Variants in SUPT3H observed in about 807,000 individuals in gnomAD.
The protein encoded by SUPT3H is SPT3 homolog, SAGA and STAGA complex component, also known as transcription initiation protein SPT3 homolog.
SUPT3H carries 44 observed loss-of-function variants against 44.3 expected under a neutral mutation model. The observed-to-expected ratio is 0.99, with a 90% CI of 0.78 to 1.28. SUPT3H has a LOEUF of 1.28. SUPT3H is among the 50% of genes most tolerant of loss of function. The pLI is 0.00. For synonymous variants in SUPT3H, 124 were observed against 125.6 expected, an observed-to-expected ratio of 0.99 and a Z score of 0.09; for missense variants, 380 against 387.1, an observed-to-expected ratio of 0.98 and a Z score of 0.15.
chr6:45,120,279 T>C (rs1197256316), intron 2 of SUPT3H, among the ~76,000 whole-genome samples: 2 of 151,270 alleles, frequency 1.3e-5, no homozygotes, highest in Admixed American at 1.3e-4. Context: ...ATAAAGAAAA[T>C]TTTAAAAGTG....
intron 2 of SUPT3H, among the ~76,000 whole-genome samples, chr6:45,264,301 T>C (rs968151424): frequency 3.2e-4 from 49 of 152,156 alleles, no homozygotes; most frequent in African/African-American, 5.6e-4. Flanking sequence ...TTAATTGTTG[T>C]GGTGTAAAAA....
At chr6:45,128,068 G>T (rs899052571) in intron 2 of SUPT3H, among the ~76,000 whole-genome samples, 1 of 151,866 alleles carries the variant, frequency 6.6e-6, no homozygotes, top group Non-Finnish European at 1.5e-5. Flanking sequence ...TTATTCTGAC[G>T]CTTACTTTGT....
chr6:45,292,743 A>G (rs199854245), intron 2 of SUPT3H, among the ~76,000 whole-genome samples: 2 of 62,202 alleles, frequency 3.2e-5, no homozygotes, highest in East Asian at 1.5e-3. Flanking sequence ...ACAAGGAGGG[A>G]CATTATATAA....
chr6:45,370,248 T>C (rs1795833116), intron 1 of SUPT3H, among the ~76,000 whole-genome samples: 1 of 152,168 alleles, frequency 6.6e-6, no homozygotes, highest in African/African-American at 2.4e-5. Context: ...ATTTCTGGAA[T>C]ACATTTTGAA....
chr6:45,280,514 C>A (rs1284204069), intron 2 of SUPT3H, among the ~76,000 whole-genome samples: 1 of 151,780 alleles, frequency 6.6e-6, no homozygotes, highest in Admixed American at 6.6e-5. Context: ...ACAAAAAAAA[C>A]CTCTTAGGTA....
At chr6:44,952,237 T>G (rs772494082) in intron 9 of SUPT3H, among the ~76,000 whole-genome samples, 10 of 152,174 alleles carry the variant, frequency 6.6e-5, no homozygotes, top group Non-Finnish European at 1.3e-4. Context: ...CTAGGGTCCA[T>G]AGGGTTCACA....
intron 2 of SUPT3H, among the ~76,000 whole-genome samples, chr6:45,315,922 C>CAGACAGATAGATAGATAGATAGAT (rs1554339652): frequency 4.1e-5 from 6 of 145,474 alleles, no homozygotes; most frequent in African/African-American, 1.3e-4. Flanking sequence ...CTCAGATAGA[C>CAGACAGATAGATAGATAGATAGAT]AGATAGATAG....
chr6:45,077,626 C>CAAAAAAAAAAAAAAAAAAAAAAA (rs70993493), intron 3 of SUPT3H, among the ~76,000 whole-genome samples: 16 of 34,004 alleles, frequency 4.7e-4, no homozygotes, highest in Non-Finnish European at 6.6e-4. Context: ...GACCTTGTTT[C>CAAAAAAAAAAAAAAAAAAAAAAA]AAAAAAAAAA....
At chr6:45,108,158 C>A (rs1308978677) in intron 2 of SUPT3H, among the ~76,000 whole-genome samples, 1 of 152,136 alleles carries the variant, frequency 6.6e-6, no homozygotes, top group African/African-American at 2.4e-5. Flanking sequence ...ACTGTAAATT[C>A]CAGGCAAAGC....
chr6:45,098,470 C>A, intron 3 of SUPT3H: 1 of 227,486 alleles, frequency 4.4e-6, no homozygotes, highest in East Asian at 1.1e-4. Flanking sequence ...CTACTCAGTC[C>A]AGCTTGGACC....
intron 2 of SUPT3H, among the ~76,000 whole-genome samples, chr6:45,196,569 T>A (rs955611987): frequency 6.6e-6 from 1 of 152,018 alleles, no homozygotes; most frequent in African/African-American, 2.4e-5. Flanking sequence ...AATAGAGCAA[T>A]AGTACCTTTG....
chr6:44,852,576 C>G (rs948704455), intron 10 of SUPT3H, among the ~76,000 whole-genome samples: 1 of 152,070 alleles, frequency 6.6e-6, no homozygotes. Context: ...TCCCAACCTC[C>G]CACAAGAGAA....
chr6:45,334,449 C>CAAA (rs551014969), intron 2 of SUPT3H, among the ~76,000 whole-genome samples: 7 of 91,752 alleles, frequency 7.6e-5, no homozygotes, highest in Non-Finnish European at 1.3e-4. Context: ...TCAGGAAAAG[C>CAAA]AAAAAAAAAA....
In SUPT3H at chr6:45,129,359, C is replaced by T. The variant is rs149696757; in HGVS notation, c.102-23353G>A. On this transcript the variant is annotated intron_variant, in intron 2 of 10. Transcript: ENST00000371459. ...TCATTTGGCAGTCTGGACAATGGTG[C>T]CCATTAATGAAAAAGGCTTAGTATA... 2.7e-4 allele frequency among the ~76,000 whole-genome samples: 41 copies of T among 152,272 alleles called. 2 individuals carry two copies. In the East Asian group the frequency reaches 7.9e-3, roughly 29 times the overall value.
chr6:45,298,704 G>T (rs1376065066), intron 2 of SUPT3H, among the ~76,000 whole-genome samples: 1 of 151,964 alleles, frequency 6.6e-6, no homozygotes, highest in African/African-American at 2.4e-5. Context: ...ACTAAAATTG[G>T]CCAATGTAAT....
intron 6 of SUPT3H, among the ~76,000 whole-genome samples, chr6:44,989,387 T>C (rs896782525): frequency 6.6e-6 from 1 of 152,170 alleles, no homozygotes; most frequent in Non-Finnish European, 1.5e-5. Context: ...TCTTTATCCA[T>C]TCACCTGCTG....
chr6:45,245,711 C>A (rs1771217086), intron 2 of SUPT3H, among the ~76,000 whole-genome samples: 1 of 151,986 alleles, frequency 6.6e-6, no homozygotes, highest in Non-Finnish European at 1.5e-5. Flanking sequence ...TTGTTTCCAC[C>A]TTTTGGATAT....
At position 44,925,002 on chromosome 6, in the gene SUPT3H, T is replaced by C. The variant is rs1351059557; in HGVS notation, c.912+7651A>G. ...CTCATGACATAAATATTTGCAAATA[T>C]GAAATTCTAGATCAAAATGATCAAA... On this transcript the variant is annotated intron_variant, in intron 10 of 10. Transcript: ENST00000371459. Among the ~76,000 whole-genome samples, 6 of 152,196 alleles carry C rather than the reference T, an allele frequency of 3.9e-5. No individual in the cohort carries two copies. The South Asian group carries it at 1.0e-3, about 26-fold the overall frequency.
intron 10 of SUPT3H, among the ~76,000 whole-genome samples, chr6:44,861,533 T>C (rs1188338899): frequency 2.0e-5 from 3 of 152,016 alleles, no homozygotes; most frequent in Admixed American, 2.0e-4. Flanking sequence ...ATTACAGGTG[T>C]CTGCCATCAC....
Sources: gnomAD v4.1 joint callset for allele counts (sites outside exome capture counted in the v4.1 genomes callset) on GRCh38, gnomAD v4.1.1 for gene constraint, MANE v1.5 for transcripts, NCBI Gene and HGNC (gene_info 2026-07-23, HGNC 2026-07-21) for gene names.